ZNF43: variants seen among roughly 807,000 people sequenced by gnomAD.
The protein encoded by ZNF43 is zinc finger protein 43.
A neutral mutation model predicts 68.4 loss-of-function variants in ZNF43; 44 were observed. That is an observed-to-expected ratio of 0.64 (90% CI 0.51 to 0.83). The LOEUF is 0.83. Among genes scored for constraint, ZNF43 ranks in the 40% least tolerant of loss-of-function variants. The pLI is 0.00. For synonymous variants in ZNF43, 308 were observed against 307.8 expected, an observed-to-expected ratio of 1.00 and a Z score of -0.01; for missense variants, 896 against 933.2, an observed-to-expected ratio of 0.96 and a Z score of 0.52.
Position 21,809,387 on chromosome 19 carries a change from A to G in ZNF43, c.650T>C (p.Ile217Thr). ...CGKAFNCPSI[I>T]TKHKRINTGE... ...AGTATTAATTCTCTTATGTTTAGTG[A>G]TGATTGAAGGGCAGTTAAAAGCTTT... is the stretch of plus-strand genomic sequence containing the variant. Residue 217 changes from isoleucine to threonine, a missense_variant, in exon 4 of 4, where the codon ATC (isoleucine) becomes ACC (threonine). Ile to Thr is a moderately conservative substitution (Grantham distance 89). Transcript: ENST00000354959. The G allele has an allele frequency of 6.2e-7, 1 of 1,613,608 alleles. No individual in the cohort carries two copies. Among genetic ancestry groups the G allele is most frequent in the East Asian group, 2.2e-5 (1 of 44,844 alleles).
chr19:21,827,662 A>AT (rs74174045), intron 1 of ZNF43, among the ~76,000 whole-genome samples: 53,116 of 128,174 alleles, frequency 0.41, 11,294 homozygotes, highest in African/African-American at 0.56. Flanking sequence ...GCGCCTGGCC[A>AT]TTTTTTTTTT....
rs531768574 is a variant in ZNF43, at chr19:21,843,515, C to T, written c.30+8390G>A. On this transcript the variant is annotated intron_variant, in intron 1 of 3. Transcript: ENST00000357491. ...TAGTAAAATCATAGCCTTGGCCAGG[C>T]GTGGTGCCTCACACCTGTAACCCCA... 1.4e-4 allele frequency among the ~76,000 whole-genome samples: 21 copies of T among 152,276 alleles called. No individual in the cohort carries two copies. In the East Asian group the frequency reaches 2.9e-3, roughly 21 times the overall value.
Position 21,807,654 on chromosome 19 carries a change from C to T in ZNF43, c.2383G>A (p.Val795Met), listed in dbSNP as rs558568502. ...TGEKLYKPED[V>M]TVILTTPQTF... ...TGAGGTGTTGTCAAAATCACTGTCA[C>T]ATCTTCAGGTTTGTAGAGTTTCTCT... The change falls in exon 4 of 4, where the codon GTG becomes ATG. Residue 795 changes from valine (V) to methionine (M), a missense_variant. Physicochemically the swap from Val to Met is conservative, Grantham distance 21. Transcript: ENST00000354959. 1 of 1,576,606 alleles carries T rather than the reference C, an allele frequency of 6.3e-7. No individual in the cohort carries two copies. Among genetic ancestry groups the T allele is most frequent in the African/African-American group, 1.4e-5 (1 of 73,322 alleles).
At chr19:21,836,301 T>G (rs570843727), upstream of ZNF43, 22 of 1,221,924 alleles carry the variant, frequency 1.8e-5, no homozygotes, top group African/African-American at 3.1e-4. Context: ...CCGCAAACCC[T>G]GAATGAAAGA....
chr19:21,845,664 C>T (rs897844278), intron 1 of ZNF43, among the ~76,000 whole-genome samples: 2 of 151,988 alleles, frequency 1.3e-5, no homozygotes, highest in Non-Finnish European at 2.9e-5. Flanking sequence ...GAGGCCGAGG[C>T]GGGCAGATCA....
At chr19:21,849,022 T>C (rs1490048906) in intron 1 of ZNF43, among the ~76,000 whole-genome samples, 1 of 152,178 alleles carries the variant, frequency 6.6e-6, no homozygotes, top group Non-Finnish European at 1.5e-5. Context: ...ATTTTAACGG[T>C]GGACTGTGTC....
At chr19:21,813,052 G>C (rs1158534651) in intron 3 of ZNF43, among the ~76,000 whole-genome samples, 6 of 152,018 alleles carry the variant, frequency 3.9e-5, no homozygotes. Flanking sequence ...AGACCAGCCT[G>C]ATCAACATGG....
intron 1 of ZNF43, chr19:21,851,111 A>G (rs1555729768): frequency 6.6e-6 from 1 of 152,264 alleles, no homozygotes; most frequent in Non-Finnish European, 1.5e-5. Flanking sequence ...TTTTCAGTGC[A>G]GTCACAGCCT....
chr19:21,837,380 A>C (rs546185690), upstream of ZNF43, among the ~76,000 whole-genome samples: 1 of 150,860 alleles, frequency 6.6e-6, no homozygotes, highest in African/African-American at 2.4e-5. Context: ...TTGTGTAAAC[A>C]GATGTGTATT....
intron 1 of ZNF43, among the ~76,000 whole-genome samples, chr19:21,824,746 AAAAAAGAAAAAAG>A (rs1864112928): frequency 1.3e-5 from 2 of 151,680 alleles, no homozygotes; most frequent in African/African-American, 4.8e-5. Context: ...AAAAAAAAAA[AAAAAAGAAAAAAG>A]AAAGAAAAAA....
At chr19:21,815,716 A>G (rs1156640533) in intron 3 of ZNF43, among the ~76,000 whole-genome samples, 3 of 152,044 alleles carry the variant, frequency 2.0e-5, no homozygotes, top group Non-Finnish European at 2.9e-5. Flanking sequence ...TTCTAGTATA[A>G]TTGTCCTAAA....
At chr19:21,827,462 A>G (rs933626309) in intron 1 of ZNF43, among the ~76,000 whole-genome samples, 2 of 151,836 alleles carry the variant, frequency 1.3e-5, no homozygotes, top group African/African-American at 2.4e-5. Flanking sequence ...CCCAGGTTTA[A>G]GTGATTCTCC....
chr19:21,824,298 T>C (rs930792537), intron 1 of ZNF43, among the ~76,000 whole-genome samples: 3 of 152,144 alleles, frequency 2.0e-5, no homozygotes, highest in Non-Finnish European at 4.4e-5. Context: ...CAGTATCGTA[T>C]TTTATGGGTA....
chr19:21,821,677 G>C (rs990776003), intron 1 of ZNF43, among the ~76,000 whole-genome samples: 7 of 149,378 alleles, frequency 4.7e-5, no homozygotes, highest in African/African-American at 1.7e-4. Flanking sequence ...GTCATGGTGA[G>C]AATTCTGCAT....
At chr19:21,844,921 A>AAAAAAAAAATATAT (rs1310761266) in intron 1 of ZNF43, among the ~76,000 whole-genome samples, 2 of 26,048 alleles carry the variant, frequency 7.7e-5, no homozygotes, top group African/African-American at 2.2e-4. Flanking sequence ...AAAAAAAAAA[A>AAAAAAAAAATATAT]ATATATATAT....
rs114801595 is a variant in ZNF43 at position 21,846,371 on chromosome 19, T to A, written c.30+5534A>T. Among the ~76,000 whole-genome samples, 579 of 152,288 alleles carry A rather than the reference T, an allele frequency of 3.8e-3. 8 individuals are homozygous for A. The highest frequency in any genetic ancestry group is 0.013 in the African/African-American group (552 of 41,552). ...ACAGGGACCAAGCATAAGAATCACA[T>A]CACCTGTGTGCTGGGCCAAACAATA... On this transcript the variant is annotated intron_variant, in intron 1 of 3. Coordinates refer to the ZNF43 transcript ENST00000357491.
rs201048525 is a variant in ZNF43 at position 21,824,906 on chromosome 19, AAG to A, written c.4-5687_4-5686del. Among the ~76,000 whole-genome samples, 1,326 of 152,186 alleles carry A rather than the reference AAG, an allele frequency of 8.7e-3. 24 individuals are homozygous for A. Among genetic ancestry groups the A allele is most frequent in the African/African-American group, 0.03 (1,259 of 41,542 alleles). ...TACAAGTAGATTTGTAAAGGCAAAA[AAG>A]AGGGGCAGAGAGTGGACTGGTACAA... On this transcript the variant is annotated intron_variant, in intron 1 of 3. Transcript: ENST00000354959.
chr19:21,831,926 T>C lies in ZNF43; in HGVS notation c.3+4110A>G, dbSNP rs142762370. On this transcript the variant is annotated intron_variant, in intron 1 of 3. Transcript: ENST00000354959. ...TGGAAAACCCGTTTATGCTCATGAA[T>C]AGAAAAGGTATCATTAAAATGGCCA... 2.8e-4 allele frequency among the ~76,000 whole-genome samples: 42 copies of C among 152,264 alleles called. 1 individual carries two copies. Among genetic ancestry groups the C allele is most frequent in the East Asian group, 1.5e-3 (8 of 5,186 alleles).
In ZNF43 at chr19:21,819,226, A is replaced by C. The variant is rs1262805961; in HGVS notation, c.4-5T>G. The stretch of plus-strand genomic sequence containing the variant: ...ATCCATAAATGTCAATGGTCCCTAA[A>C]AAAAACAACACATACACACACAAAC... On this transcript the variant is annotated splice_polypyrimidine_tract_variant and splice_region_variant and intron_variant, in intron 1 of 3. Coordinates refer to ENST00000354959, the MANE Select transcript of ZNF43 (RefSeq NM_003423.4). 1 of 1,587,712 alleles carries C rather than the reference A, an allele frequency of 6.3e-7. No homozygotes were observed. Among genetic ancestry groups the C allele is most frequent in the Non-Finnish European group, 8.5e-7 (1 of 1,171,796 alleles).
Sources: gnomAD v4.1 joint callset for allele counts (sites outside exome capture counted in the v4.1 genomes callset) on GRCh38, gnomAD v4.1.1 for gene constraint, MANE v1.5 for transcripts, NCBI Gene and HGNC (gene_info 2026-07-23, HGNC 2026-07-21) for gene names.